Variants in EVI5 observed in about 807,000 individuals in gnomAD.
The protein encoded by EVI5 is ecotropic viral integration site 5 protein homolog.
In EVI5, 73 loss-of-function variants were observed where a neutral mutation model predicts 112.0. The observed-to-expected ratio is 0.65, with a 90% CI of 0.54 to 0.79. EVI5 has a LOEUF of 0.79. EVI5 is among the 30% of genes least tolerant of loss of function. The pLI, the probability that EVI5 is intolerant of heterozygous loss-of-function variation, is 0.00. For missense variants in EVI5, 900 were observed against 968.8 expected (o/e 0.93, Z 0.94); for synonymous variants, 305 against 319.9 (o/e 0.95, Z 0.50).
intron 1 of EVI5, among the ~76,000 whole-genome samples, chr1:92,751,781 G>A (rs1680232716): frequency 6.6e-6 from 1 of 152,026 alleles, no homozygotes; most frequent in African/African-American, 2.4e-5. Context: ...GGGAAGCCAA[G>A]GTGGGTGGAT....
intron 8 of EVI5, 126 bp downstream of exon 8, chr1:92,694,173 G>A (rs917254853): frequency 1.6e-5 from 10 of 633,930 alleles, no homozygotes; most frequent in East Asian, 2.7e-5. Flanking sequence ...GAAGCGGTAG[G>A]AGGATCACTT....
chr1:92,582,179 C>T (rs1158267131), intron 18 of EVI5, among the ~76,000 whole-genome samples: 1 of 152,140 alleles, frequency 6.6e-6, no homozygotes, highest in African/African-American at 2.4e-5. Context: ...GCAACTGTAA[C>T]ACAGTGGTTA....
intron 1 of EVI5, among the ~76,000 whole-genome samples, chr1:92,767,233 T>C (rs964774119): frequency 3.3e-5 from 5 of 152,228 alleles, no homozygotes; most frequent in African/African-American, 1.2e-4. Flanking sequence ...ATCTCATTTA[T>C]CAGATCCACT....
At position 92,596,162 on chromosome 1, in the gene EVI5, G is replaced by A. The variant is rs146217862; in HGVS notation, c.2070+9145C>T. On this transcript the variant is annotated intron_variant, in intron 18 of 19. Coordinates refer to ENST00000684568, the MANE Select transcript of EVI5 (RefSeq NM_001350197.2). ...GCTTGAGCCCAGGAGATCAATACCAGTCTGGGGAACATGGCGAAACCCCAC... is the reference window on the plus strand; with the variant it reads ...GCTTGAGCCCAGGAGATCAATACCAATCTGGGGAACATGGCGAAACCCCAC... Among the ~76,000 whole-genome samples, 566 of 152,154 alleles carry A rather than the reference G, an allele frequency of 3.7e-3. 2 individuals carry two copies. The highest frequency in any genetic ancestry group is 6.2e-3 in the Non-Finnish European group (424 of 68,000).
chr1:92,537,958 T>C (rs913430786), intron 19 of EVI5, among the ~76,000 whole-genome samples: 9 of 151,976 alleles, frequency 5.9e-5, no homozygotes, highest in Admixed American at 6.6e-5. Context: ...AAAGCTGACG[T>C]TTTTAGAAGG....
intron 1 of EVI5, among the ~76,000 whole-genome samples, chr1:92,760,662 A>G (rs1310923204): frequency 6.7e-6 from 1 of 149,404 alleles, no homozygotes; most frequent in Non-Finnish European, 1.5e-5. Context: ...TGAACCCAGG[A>G]GGCGGAGGTT....
intron 16 of EVI5, 149 bp from the exon 17 acceptor site, chr1:92,607,876 G>A: frequency 1.8e-6 from 1 of 565,400 alleles, no homozygotes. Flanking sequence ...TAAAAAATAA[G>A]ATAAAACTGC....
At chr1:92,565,965 A>AAAAAAAAAAAAAAAG in intron 18 of EVI5, among the ~76,000 whole-genome samples, 1 of 149,864 alleles carries the variant, frequency 6.7e-6, no homozygotes, top group South Asian at 2.2e-4. Context: ...AAAAAAAAAA[A>AAAAAAAAAAAAAAAG]AAAGAAATGT....
intron 1 of EVI5, among the ~76,000 whole-genome samples, chr1:92,758,843 CA>C (rs933948890): frequency 6.0e-4 from 82 of 137,444 alleles, no homozygotes; most frequent in Admixed American, 1.0e-3. Context: ...ACCTACACAT[CA>C]AAAAAAAAAG....
intron 18 of EVI5, among the ~76,000 whole-genome samples, chr1:92,593,983 T>C (rs1674469895): frequency 2.6e-5 from 4 of 152,254 alleles, no homozygotes; most frequent in Middle Eastern, 3.4e-3. Context: ...ATCGTGAAAA[T>C]GGTCATACTG....
chr1:92,633,285 C>T (rs1323156784), intron 14 of EVI5, among the ~76,000 whole-genome samples: 1 of 152,126 alleles, frequency 6.6e-6, no homozygotes, highest in African/African-American at 2.4e-5. Context: ...TTAAAGTCTC[C>T]CATTATTATT....
rs182681670 is a variant in EVI5, at chr1:92,730,227, A to T, written c.149+6171T>A. ...AAAAAAGTACAAAAGTTAGCCAGGC[A>T]TGATGGCACGTGCCTGTAATCCCAG... is the stretch of plus-strand genomic sequence containing the variant. On this transcript the variant is annotated intron_variant, in intron 2 of 19. Coordinates refer to ENST00000684568, the MANE Select transcript of EVI5 (RefSeq NM_001350197.2). 1.1e-3 allele frequency among the ~76,000 whole-genome samples: 167 copies of T among 152,010 alleles called. 1 individual carries two copies. The highest frequency in any genetic ancestry group is 2.9e-3 in the Admixed American group (45 of 15,266).
At chr1:92,778,567 T>C (rs1684454034) in intron 1 of EVI5, among the ~76,000 whole-genome samples, 1 of 151,946 alleles carries the variant, frequency 6.6e-6, no homozygotes, top group African/African-American at 2.4e-5. Context: ...ACCTCAACTC[T>C]CCAAGCAGAA....
At position 92,720,478 on chromosome 1, in the gene EVI5, G is replaced by C. The variant is rs542435532; in HGVS notation, c.150-15734C>G. On this transcript the variant is annotated intron_variant, in intron 2 of 19. Coordinates refer to ENST00000684568, the MANE Select transcript of EVI5 (RefSeq NM_001350197.2). ...TGGGAAAACTGGCTAGCCATATGTA[G>C]AAAGCTGAAACTGGATCCCTTCCTT... Among the ~76,000 whole-genome samples, 495 of 150,872 alleles carry C rather than the reference G, an allele frequency of 3.3e-3. 5 individuals carry two copies. Among genetic ancestry groups the C allele is most frequent in the Non-Finnish European group, 3.7e-3 (250 of 68,022 alleles).
chr1:92,658,913 CA>C (rs1048343060), intron 13 of EVI5, among the ~76,000 whole-genome samples: 4 of 151,920 alleles, frequency 2.6e-5, no homozygotes, highest in Admixed American at 2.6e-4. Context: ...AACAGAAAAC[CA>C]GAAATAAAGT....
intron 1 of EVI5, among the ~76,000 whole-genome samples, chr1:92,780,337 T>C (rs1684704389): frequency 6.6e-6 from 1 of 152,234 alleles, no homozygotes; most frequent in Non-Finnish European, 1.5e-5. Flanking sequence ...AACAGACTAA[T>C]ACACCTGTGA....
chr1:92,705,083 T>C (rs923570903), intron 2 of EVI5, among the ~76,000 whole-genome samples: 5 of 152,288 alleles, frequency 3.3e-5, no homozygotes, highest in South Asian at 2.1e-4. Flanking sequence ...AAAGAACTTA[T>C]ACTTGGAAGA....
At chr1:92,656,784 G>A (rs1663058871) in intron 13 of EVI5, among the ~76,000 whole-genome samples, 1 of 152,144 alleles carries the variant, frequency 6.6e-6, no homozygotes, top group Non-Finnish European at 1.5e-5. Flanking sequence ...AAACCTAGAA[G>A]AAAGGGATAA....
intron 10 of EVI5, among the ~76,000 whole-genome samples, chr1:92,668,585 C>T (rs1665316656): frequency 6.6e-6 from 1 of 152,280 alleles, no homozygotes; most frequent in East Asian, 1.9e-4. Context: ...CCTTCCCCAA[C>T]CCCTTTTACG....
Sources: allele counts gnomAD v4.1 joint callset (sites outside exome capture counted in the v4.1 genomes callset), GRCh38; gene constraint gnomAD v4.1.1; transcripts MANE v1.5; gene names NCBI Gene and HGNC (gene_info 2026-07-23, HGNC 2026-07-21).